The following CTNND2 variants were observed in gnomAD, a reference collection of about 807,000 sequenced individuals.
CTNND2 encodes catenin delta 2.
In CTNND2, 22 loss-of-function variants were observed where a neutral mutation model predicts 144.4. The observed-to-expected ratio is 0.15, with a 90% CI of 0.11 to 0.22. The LOEUF is 0.22. CTNND2 is among the 10% of genes least tolerant of loss of function. CTNND2 has a pLI of 1.00. For missense variants in CTNND2, 1,353 were observed against 1,618.8 expected (o/e 0.84, Z 2.82); for synonymous variants, 751 against 695.6 (o/e 1.08, Z -1.25).
At chr5:11,588,718 C>G in intron 2 of CTNND2, 5 of 979,400 alleles carry the variant, frequency 5.1e-6, no homozygotes, top group Non-Finnish European at 6.1e-6. Flanking sequence ...GGTTAGTTTT[C>G]ACTTTTTGTC....
At chr5:11,761,200 G>A (rs781751560) in intron 1 of CTNND2, among the ~76,000 whole-genome samples, 2 of 152,042 alleles carry the variant, frequency 1.3e-5, no homozygotes, top group African/African-American at 2.4e-5. Context: ...CAATGCACTC[G>A]GATAGACCAA....
intron 1 of CTNND2, among the ~76,000 whole-genome samples, chr5:11,804,077 T>C (rs951555821): frequency 7.2e-5 from 11 of 152,216 alleles, no homozygotes; most frequent in Admixed American, 1.3e-4. Context: ...CAGGGACTTC[T>C]AGGCAGATGC....
At chr5:11,627,299 A>G (rs1356080099) in intron 2 of CTNND2, among the ~76,000 whole-genome samples, 1 of 152,182 alleles carries the variant, frequency 6.6e-6, no homozygotes, top group Non-Finnish European at 1.5e-5. Context: ...CAGTTCTGCA[A>G]AGCAGACCCT....
intron 2 of CTNND2, among the ~76,000 whole-genome samples, chr5:11,578,083 AT>A (rs911858981): frequency 2.0e-5 from 3 of 151,722 alleles, no homozygotes; most frequent in South Asian, 2.1e-4. Context: ...TTATGTTGAC[AT>A]TTTTTTTCAC....
intron 11 of CTNND2, among the ~76,000 whole-genome samples, chr5:11,176,534 G>T (rs1472924738): frequency 6.6e-6 from 1 of 152,008 alleles, no homozygotes; most frequent in Middle Eastern, 3.2e-3. Flanking sequence ...TACTGTGTTT[G>T]GAGGTTGAGA....
At chr5:11,297,697 T>C (rs551662181) in intron 9 of CTNND2, among the ~76,000 whole-genome samples, 2 of 151,722 alleles carry the variant, frequency 1.3e-5, no homozygotes, top group Non-Finnish European at 2.9e-5. Flanking sequence ...TTTTTAAGAG[T>C]GTAAGGGAGG....
At chr5:11,119,577 A>G (rs1389640693) in intron 12 of CTNND2, among the ~76,000 whole-genome samples, 1 of 152,260 alleles carries the variant, frequency 6.6e-6, no homozygotes, top group African/African-American at 2.4e-5. Context: ...ATTTTAAACT[A>G]AAAGAATGGC....
At chr5:11,595,663 C>A (rs892632034) in intron 2 of CTNND2, among the ~76,000 whole-genome samples, 2 of 152,104 alleles carry the variant, frequency 1.3e-5, no homozygotes, top group African/African-American at 4.8e-5. Flanking sequence ...AGTTGACCAT[C>A]TCGGTAATAG....
chr5:11,640,685 A>G (rs537124762), intron 2 of CTNND2, among the ~76,000 whole-genome samples: 7 of 152,328 alleles, frequency 4.6e-5, no homozygotes, highest in African/African-American at 1.2e-4. Context: ...GGAATGTGGC[A>G]TGAGTCACAT....
rs1735962533 is a variant in CTNND2, at chr5:10,972,706, CTTG to C, written c.*744_*746del. On this transcript the variant is annotated 3_prime_UTR_variant, in exon 22 of 22. Coordinates refer to ENST00000304623, the MANE Select transcript of CTNND2 (RefSeq NM_001332.4). ...TTAATTGTCAGAAACTGCTGAATGC[CTTG>C]TTTAGTTGTCACAAACAAATTCACA... 2 of 152,136 alleles carry C rather than the reference CTTG, an allele frequency of 1.3e-5. No homozygotes were observed. The highest frequency in any genetic ancestry group is 6.6e-5 in the Admixed American group (1 of 15,256). The allele number at this position is 152,136 out of a possible 1,614,324, so 9.4% of individuals were successfully genotyped here.
chr5:11,046,410 C>G (rs558703902), intron 16 of CTNND2, among the ~76,000 whole-genome samples: 2 of 152,164 alleles, frequency 1.3e-5, no homozygotes, highest in East Asian at 3.9e-4. Context: ...CACAGCCTTC[C>G]AAGGCAATCG....
intron 2 of CTNND2, among the ~76,000 whole-genome samples, chr5:11,728,860 C>T (rs1024860215): frequency 6.6e-6 from 1 of 152,028 alleles, no homozygotes; most frequent in Admixed American, 6.6e-5. Context: ...AACTCCACTG[C>T]TAACTACTTG....
chr5:11,903,422 C>T lies in CTNND2; in HGVS notation c.37+395G>A. ...TAAGGGCAAAAGACTGGAGGGAAGT[C>T]CTCCCCACCCCCACCCCGTCTCCTC... On this transcript the variant is annotated intron_variant, in intron 1 of 21. Transcript: ENST00000304623. The surrounding 1 kb of genome is among the most constrained non-coding windows in gnomAD (Gnocchi z 5.4). 9.8e-7 allele frequency: 1 copy of T among 1,016,928 alleles called. No homozygotes were observed. 63.0% of individuals were successfully genotyped at this position (1,016,928 alleles called of 1,614,324 possible).
chr5:11,366,788 C>CA (rs1296021288), intron 7 of CTNND2, among the ~76,000 whole-genome samples: 1 of 152,000 alleles, frequency 6.6e-6, no homozygotes, highest in East Asian at 1.9e-4. Flanking sequence ...TTCTAAGCCT[C>CA]AAAAAAACAT....
intron 12 of CTNND2, among the ~76,000 whole-genome samples, chr5:11,153,905 C>T (rs1021718836): frequency 6.6e-6 from 1 of 152,110 alleles, no homozygotes; most frequent in Non-Finnish European, 1.5e-5. Flanking sequence ...AAATATAATG[C>T]GACTATACAG....
intron 3 of CTNND2, among the ~76,000 whole-genome samples, chr5:11,463,409 A>C (rs1371367752): frequency 6.6e-6 from 1 of 152,162 alleles, no homozygotes; most frequent in Non-Finnish European, 1.5e-5. Flanking sequence ...GTATTGAAAA[A>C]TTTACACCAA....
At chr5:11,831,144 A>C (rs1229075985) in intron 1 of CTNND2, among the ~76,000 whole-genome samples, 1 of 152,066 alleles carries the variant, frequency 6.6e-6, no homozygotes, top group East Asian at 1.9e-4. Flanking sequence ...GAAATTCAAC[A>C]CAATCCTAAT....
intron 1 of CTNND2, among the ~76,000 whole-genome samples, chr5:11,877,724 TC>T: frequency 4.0e-3 from 1 of 250 alleles, no homozygotes; most frequent in Non-Finnish European, 0.016. Flanking sequence ...ACCATCACCA[TC>T]ATCATCATCA....
chr5:11,670,064 G>A (rs1193868920), intron 2 of CTNND2, among the ~76,000 whole-genome samples: 3 of 152,168 alleles, frequency 2.0e-5, no homozygotes, highest in Admixed American at 6.5e-5. Flanking sequence ...GTGGTTTTGA[G>A]TGAGTTTCTT....
Sources: gnomAD v4.1 joint callset for allele counts (sites outside exome capture counted in the v4.1 genomes callset) on GRCh38, gnomAD v4.1.1 for gene constraint, Gnocchi (gnomAD v3.1) non-coding constraint, MANE v1.5 for transcripts, NCBI Gene and HGNC (gene_info 2026-07-23, HGNC 2026-07-21) for gene names.